Variants in TRAPPC8 observed in about 807,000 individuals in gnomAD.
TRAPPC8 encodes the protein trafficking protein particle complex subunit 8, also known as general sporulation gene 1 homolog.
TRAPPC8 carries 54 observed loss-of-function variants against 174.3 expected under a neutral mutation model. That is an observed-to-expected ratio of 0.31 (90% CI 0.25 to 0.39). The LOEUF (loss-of-function observed/expected upper bound fraction) is 0.39. Ranked by LOEUF, TRAPPC8 falls within the 10% of genes least tolerant of loss-of-function variation. The pLI, the probability that TRAPPC8 is intolerant of heterozygous loss-of-function variation, is 1.00. For synonymous variants in TRAPPC8, 630 were observed against 579.9 expected (o/e 1.09, Z -1.24); for missense variants, 1,531 against 1,699.1 (o/e 0.90, Z 1.74).
chr18:31,908,604 G>T, intron 7 of TRAPPC8, 150 bp downstream of exon 7: 1 of 966,996 alleles, frequency 1.0e-6, no homozygotes, highest in Non-Finnish European at 1.4e-6. Flanking sequence ...GAGTTGAACA[G>T]AATTTCATCA....
chr18:31,929,245 CAG>C (rs1193532734), intron 2 of TRAPPC8, among the ~76,000 whole-genome samples: 1 of 150,054 alleles, frequency 6.7e-6, no homozygotes. Flanking sequence ...GAGGTGGAAA[CAG>C]AGTCTCAGAA....
At chr18:31,912,547 GTT>G (rs1051639295) in intron 5 of TRAPPC8, among the ~76,000 whole-genome samples, 8 of 151,976 alleles carry the variant, frequency 5.3e-5, no homozygotes, top group Admixed American at 3.3e-4. Context: ...TGTAATCCCA[GTT>G]ACTCAGGAGG....
intron 27 of TRAPPC8, chr18:31,832,693 G>A (rs1226775629): frequency 6.6e-6 from 1 of 152,140 alleles, no homozygotes; most frequent in Non-Finnish European, 1.5e-5. Context: ...GATACATTTT[G>A]CTCAGGTAGC....
At chr18:31,880,096 T>A (rs374955464) in intron 12 of TRAPPC8, among the ~76,000 whole-genome samples, 31,924 of 91,022 alleles carry the variant, frequency 0.35, 5,314 homozygotes, top group Middle Eastern at 0.44. Context: ...AAAAAATATA[T>A]ATATATATAT....
chr18:31,900,428 C>T (rs2036369833), intron 10 of TRAPPC8, among the ~76,000 whole-genome samples: 3 of 152,186 alleles, frequency 2.0e-5, no homozygotes, highest in South Asian at 2.1e-4. Context: ...ATTCCTGATA[C>T]GTCTTCATGG....
At chr18:31,846,624 C>T in intron 26 of TRAPPC8, 92 bp downstream of exon 26, 1 of 961,234 alleles carries the variant, frequency 1.0e-6, no homozygotes, top group Non-Finnish European at 1.6e-6. Context: ...CAAACCAGAC[C>T]CCTTCAAAAA....
At chr18:31,895,962 T>C (rs1291316912) in intron 11 of TRAPPC8, 1 of 152,212 alleles carries the variant, frequency 6.6e-6, no homozygotes, top group South Asian at 2.1e-4. Flanking sequence ...CAAACACTTG[T>C]AGAGCATCTA....
intron 26 of TRAPPC8, among the ~76,000 whole-genome samples, chr18:31,845,757 G>A (rs1480110179): frequency 1.3e-5 from 2 of 151,938 alleles, no homozygotes; most frequent in South Asian, 2.1e-4. Flanking sequence ...AATGGGAGGG[G>A]TTGCCTTCAG....
At chr18:31,919,579 AATAAATAAATAAAAT>A (rs777523556) in intron 2 of TRAPPC8, among the ~76,000 whole-genome samples, 2,665 of 122,874 alleles carry the variant, frequency 0.022, 79 homozygotes, top group Admixed American at 0.037. Context: ...TAAATAAATA[AATAAATAAATAAAAT>A]AATAATAATC....
chr18:31,919,591 A>AAAT (rs10580262), intron 2 of TRAPPC8, among the ~76,000 whole-genome samples: 35 of 65,032 alleles, frequency 5.4e-4, no homozygotes, highest in African/African-American at 1.3e-3. Flanking sequence ...TAAATAAATA[A>AAAT]AATAATAATA....
At chr18:31,856,734 T>C (rs1013256558) in intron 20 of TRAPPC8, among the ~76,000 whole-genome samples, 17 of 151,916 alleles carry the variant, frequency 1.1e-4, no homozygotes, top group African/African-American at 3.9e-4. Flanking sequence ...AAATAAAATA[T>C]ATACAGCCGC....
chr18:31,846,873 A>C, intron 25 of TRAPPC8, 56 bp from the exon 26 acceptor site: 1 of 1,275,948 alleles, frequency 7.8e-7, no homozygotes, highest in Non-Finnish European at 1.1e-6. Flanking sequence ...CTCTAAAGTA[A>C]CCAACCCAAT....
At chr18:31,936,902 T>TG (rs1327401108) in intron 1 of TRAPPC8, among the ~76,000 whole-genome samples, 1 of 92,496 alleles carries the variant, frequency 1.1e-5, no homozygotes, top group African/African-American at 4.7e-5. Flanking sequence ...ACTCCGTCTT[T>TG]AAAAAAAAAA....
intron 14 of TRAPPC8, 111 bp from the exon 15 acceptor site, chr18:31,871,231 C>A: frequency 1.9e-6 from 1 of 523,360 alleles, no homozygotes; most frequent in Non-Finnish European, 3.1e-6. Context: ...TACATTCACT[C>A]TTGCCTATTT....
chr18:31,891,401 C>T (rs895233168), intron 11 of TRAPPC8, among the ~76,000 whole-genome samples: 8 of 152,102 alleles, frequency 5.3e-5, no homozygotes, highest in Non-Finnish European at 1.2e-4. Context: ...AGGGCCAAAT[C>T]GACTGCATTT....
chr18:31,897,728 T>C (rs1424065278), intron 11 of TRAPPC8, 58 bp downstream of exon 11: 9 of 1,246,518 alleles, frequency 7.2e-6, no homozygotes, highest in East Asian at 2.9e-5. Context: ...AAAAGATACA[T>C]CTTTTTAAAA....
intron 2 of TRAPPC8, among the ~76,000 whole-genome samples, chr18:31,924,950 T>C (rs1291955431): frequency 1.3e-5 from 2 of 151,488 alleles, no homozygotes. Context: ...ACCACTTTAA[T>C]AGAAAAAAAA....
At chr18:31,909,327 C>CA (rs1046613585) in intron 6 of TRAPPC8, among the ~76,000 whole-genome samples, 3 of 151,392 alleles carry the variant, frequency 2.0e-5, no homozygotes, top group Admixed American at 6.6e-5. Context: ...AAAAATATAA[C>CA]AAAAAAAATT....
intron 19 of TRAPPC8, among the ~76,000 whole-genome samples, chr18:31,861,932 A>T (rs1285108387): frequency 1.4e-5 from 1 of 72,470 alleles, no homozygotes; most frequent in Non-Finnish European, 2.9e-5. Flanking sequence ...CCAGAAAAAA[A>T]AAAAGGGGGG....
Sources: gnomAD v4.1 joint callset for allele counts (sites outside exome capture counted in the v4.1 genomes callset) on GRCh38, gnomAD v4.1.1 for gene constraint, MANE v1.5 for transcripts, NCBI Gene and HGNC (gene_info 2026-07-23, HGNC 2026-07-21) for gene names.